The following PKD1 variants were observed in gnomAD, a reference collection of about 807,000 sequenced individuals.
PKD1 encodes the protein polycystin-1.
A neutral mutation model predicts 361.7 loss-of-function variants in PKD1; 81 were observed. The ratio of observed to expected loss-of-function variants is 0.22; its 90% CI spans 0.19 to 0.27. The LOEUF is 0.27. Among genes scored for constraint, PKD1 ranks in the 10% least tolerant of loss-of-function variants. The pLI is 1.00. For synonymous variants in PKD1, 3,615 were observed against 2,818.3 expected (o/e 1.28, Z -8.95); for missense variants, 6,399 against 6,118.3 (o/e 1.05, Z -1.53).
intron 1 of PKD1, among the ~76,000 whole-genome samples, chr16:2,134,135 CCAGG>C (rs2092921381): frequency 7.6e-6 from 1 of 132,316 alleles, no homozygotes; most frequent in Non-Finnish European, 1.6e-5. Context: ...GGTGCTGTTG[CCAGG>C]CAGGAGGAGG....
intron 30 of PKD1, 80 bp downstream of exon 30, chr16:2,099,564 C>T: frequency 2.1e-6 from 3 of 1,402,524 alleles, no homozygotes; most frequent in Non-Finnish European, 2.9e-6. Flanking sequence ...GGCTGCAGCA[C>T]TGGAAAGTGG....
chr16:2,094,243 G>T (rs202006221), intron 34 of PKD1, 33 bp from the exon 35 acceptor site: 2 of 1,366,272 alleles, frequency 1.5e-6, no homozygotes, highest in African/African-American at 1.4e-5. Context: ...AATTCATCCC[G>T]GCCTCCAGGA....
At position 2,108,017 on chromosome 16, in the gene PKD1, A is replaced by G; in HGVS notation, c.6931T>C (p.Cys2311Arg). Residue 2311 changes from cysteine to arginine, a missense_variant, in exon 16 of 46, where the codon TGT (cysteine) becomes CGT (arginine). Coordinates refer to ENST00000262304, the MANE Select transcript of PKD1 (RefSeq NM_001009944.3). ...VASTQREAGG[C>R]ALNFGPRGSS... ...CCGCGGGGCCCAAAGTTCAGCGCACACCCGCCAGCCTCCCTCTGCAGGCCG... is the reference window on the plus strand; with the variant it reads ...CCGCGGGGCCCAAAGTTCAGCGCACGCCCGCCAGCCTCCCTCTGCAGGCCG... 6.5e-7 allele frequency: 1 copy of G among 1,547,224 alleles called. No individual in the cohort carries two copies. Among genetic ancestry groups the G allele is most frequent in the Non-Finnish European group, 8.7e-7 (1 of 1,147,802 alleles).
Position 2,108,042 on chromosome 16 carries a change from G to A in PKD1, c.6916-10C>T, listed in dbSNP as rs940434929. 1.5e-5 allele frequency: 24 copies of A among 1,564,414 alleles called. No homozygotes were observed. Among genetic ancestry groups the A allele is most frequent in the South Asian group, 1.0e-4 (9 of 86,230 alleles). On this transcript the variant is annotated splice_polypyrimidine_tract_variant and intron_variant, in intron 15 of 45. Transcript: ENST00000262304. ...ACCCGCCAGCCTCCCTCTGCAGGCC[G>A]AGAACAAGGGGCGACGTGGCCTGAG...
chr16:2,121,762 G>A (rs1323658153), intron 1 of PKD1, among the ~76,000 whole-genome samples: 3 of 151,438 alleles, frequency 2.0e-5, no homozygotes, highest in East Asian at 2.0e-4. Flanking sequence ...CTATGGCTCC[G>A]CAGGTCTGCA....
At chr16:2,107,528 C>G in intron 16 of PKD1, 1 of 411,698 alleles carries the variant, frequency 2.4e-6, no homozygotes, top group South Asian at 2.2e-5. Context: ...CTGGCCGGTC[C>G]AGAGAGGGGA....
chr16:2,101,997 G>C (rs1567173411), intron 26 of PKD1, 64 bp downstream of exon 26: 3 of 1,046,616 alleles, frequency 2.9e-6, no homozygotes, highest in East Asian at 2.6e-5. Flanking sequence ...CTCACTCCCA[G>C]AGGGTGCAAC....
rs759142347 is a variant in PKD1, at chr16:2,110,154, G to T, written c.5013C>A (p.Asp1671Glu). ...NVSYSWTAWR[D>E]RGPALAGSGK... ...CGCTGCCGGCCAGGGCCGGGCCCCTGTCCCTCCAGGCAGTCCAGCTGTAGG... is the reference window on the plus strand; with the variant it reads ...CGCTGCCGGCCAGGGCCGGGCCCCTTTCCCTCCAGGCAGTCCAGCTGTAGG... Residue 1671 changes from aspartate (D) to glutamate (E), a missense_variant, in exon 15 of 46, where the codon GAC becomes GAA. Asp to Glu is a conservative substitution (Grantham distance 45). Coordinates refer to ENST00000262304, the MANE Select transcript of PKD1 (RefSeq NM_001009944.3). The T allele has an allele frequency of 3.1e-6, 5 of 1,610,334 alleles. No individual in the cohort carries two copies. In the East Asian group the frequency reaches 1.1e-4, roughly 36 times the overall value.
Position 2,090,024 on chromosome 16 carries a change from C to A in PKD1, c.12615G>T (p.Gly4205=), listed in dbSNP as rs977924509. The A allele has an allele frequency of 5.6e-6, 9 of 1,610,218 alleles. No individual in the cohort carries two copies. The highest frequency in any genetic ancestry group is 6.8e-6 in the Non-Finnish European group (8 of 1,179,046). The change falls in exon 46 of 46, where the codon GGG becomes GGT. Residue 4205 remains glycine, a synonymous_variant. Coordinates refer to ENST00000262304, the MANE Select transcript of PKD1 (RefSeq NM_001009944.3). ...GGGAGGGCTCAGGCTCACACCTTGT[C>A]CCCAGCCGGCCCAGGCTCACGCTCA... ...DGLSVSLGRL[G]TRCEPEPSRL...
At chr16:2,096,772 C>T in intron 34 of PKD1, 1 of 251,012 alleles carries the variant, frequency 4.0e-6, no homozygotes, top group South Asian at 5.5e-5. Flanking sequence ...CCACCTCGGC[C>T]TCCCAAAGTG....
chr16:2,131,243 G>A (rs2092874735), intron 1 of PKD1, among the ~76,000 whole-genome samples: 1 of 152,146 alleles, frequency 6.6e-6, no homozygotes, highest in Non-Finnish European at 1.5e-5. Context: ...GACAGGCGGT[G>A]GCTCAAGCCT....
Position 2,093,900 on chromosome 16 carries a change from C to T in PKD1, c.10732G>A (p.Ala3578Thr), listed in dbSNP as rs2091725600. 1 of 1,578,226 alleles carries T rather than the reference C, an allele frequency of 6.3e-7. No individual in the cohort carries two copies. The highest frequency in any genetic ancestry group is 1.8e-5 in the Admixed American group (1 of 56,952). The change falls in exon 36 of 46, where the codon GCG becomes ACG. Residue 3578 changes from alanine (A) to threonine (T), a missense_variant. Ala to Thr is a moderately conservative substitution (Grantham distance 58). Coordinates refer to ENST00000262304, the MANE Select transcript of PKD1 (RefSeq NM_001009944.3). The part of the protein sequence containing the change: ...VAVAVSGWVG[A>T]SFPPGVSVAW... The stretch of plus-strand genomic sequence containing the variant: ...ACACTCACGCCCGGGGGGAAGCTCG[C>T]ACCCACCCACCCTGAGACAGCCACA...
intron 14 of PKD1, 111 bp downstream of exon 14, chr16:2,112,229 G>A: frequency 1.1e-6 from 1 of 947,882 alleles, no homozygotes; most frequent in Non-Finnish European, 1.6e-6. Flanking sequence ...CCCAGGTGAG[G>A]TCACAGTGAG....
At chr16:2,122,742 G>A (rs892340325) in intron 1 of PKD1, among the ~76,000 whole-genome samples, 2 of 152,298 alleles carry the variant, frequency 1.3e-5, no homozygotes, top group African/African-American at 4.8e-5. Flanking sequence ...AATGCTTTAG[G>A]GAGAAATGAG....
At chr16:2,094,795 G>A (rs1299945244) in intron 34 of PKD1, 2 of 157,026 alleles carry the variant, frequency 1.3e-5, no homozygotes, top group African/African-American at 2.4e-5. Context: ...AGCTGCTAGA[G>A]AAGAGGTACA....
In PKD1 at chr16:2,100,048, G is replaced by A. The variant is rs746231158; in HGVS notation, c.9736C>T (p.Arg3246Trp). Residue 3246 changes from arginine (R) to tryptophan (W), a missense_variant, in exon 29 of 46, where the codon CGG becomes TGG. By Grantham distance (101) the Arg-to-Trp change is moderately radical. Transcript: ENST00000262304. This position sits in a 1 kb window ranked among gnomAD's most constrained non-coding sequence, Gnocchi z 4.4. ...AASDAALLRF[R>W]RLLVAELQRG... The stretch of plus-strand genomic sequence containing the variant: ...TGCAGCTCAGCCACCAGCAGGCGCC[G>A]GAAGCGCAAAAGGGCTGCGTCGCCT... 4.8e-5 allele frequency: 77 copies of A among 1,591,010 alleles called. No homozygotes were observed. In the South Asian group the frequency reaches 5.4e-4, roughly 11 times the overall value.
chr16:2,109,885 T>G lies in PKD1; in HGVS notation c.5282A>C (p.Glu1761Ala). Residue 1761 changes from glutamate (E) to alanine (A), a missense_variant, in exon 15 of 46, where the codon GAG becomes GCG. Glu to Ala is a moderately radical substitution (Grantham distance 107). Coordinates refer to ENST00000262304, the MANE Select transcript of PKD1 (RefSeq NM_001009944.3). ...ATGGGTGGTAAATGGCTCGGAGGTC[T>G]CCCAGCTCAGCCCCTCCTCCAAGGA... ...TWSLEEGLSW[E>A]TSEPFTTHSF... 6.2e-7 allele frequency: 1 copy of G among 1,610,624 alleles called. No homozygotes were observed. The highest frequency in any genetic ancestry group is 8.5e-7 in the Non-Finnish European group (1 of 1,179,822).
At chr16:2,107,125 C>T (rs1356720529) in intron 16 of PKD1, 177 bp from the exon 17 acceptor site, 9 of 684,856 alleles carry the variant, frequency 1.3e-5, no homozygotes, top group African/African-American at 1.2e-4. Flanking sequence ...ACTTGGACGG[C>T]GGAAGGGCAT....
chr16:2,092,337 T>C, intron 39 of PKD1, 143 bp downstream of exon 39: 1 of 1,002,138 alleles, frequency 1.0e-6, no homozygotes, highest in African/African-American at 1.6e-5. Context: ...TTACCATCTC[T>C]CATATACAGA....
Sources: gnomAD v4.1 joint callset for allele counts (sites outside exome capture counted in the v4.1 genomes callset) on GRCh38, gnomAD v4.1.1 for gene constraint, Gnocchi (gnomAD v3.1) non-coding constraint, MANE v1.5 for transcripts, NCBI Gene and HGNC (gene_info 2026-07-23, HGNC 2026-07-21) for gene names.